CEP350: variants seen among roughly 807,000 people sequenced by gnomAD.
CEP350 encodes centrosomal protein 350.
CEP350 carries 126 observed loss-of-function variants against 331.8 expected under a neutral mutation model. The observed-to-expected ratio is 0.38, with a 90% CI of 0.33 to 0.44. CEP350 has a LOEUF of 0.44. Among genes scored for constraint, CEP350 ranks in the 20% least tolerant of loss-of-function variants. The pLI, the probability that CEP350 is intolerant of heterozygous loss-of-function variation, is 1.00. For synonymous variants in CEP350, 1,200 were observed against 1,259.5 expected (o/e 0.95, Z 1.00); for missense variants, 3,406 against 3,634.6 (o/e 0.94, Z 1.62).
intron 8 of CEP350, among the ~76,000 whole-genome samples, chr1:180,009,513 G>C (rs1654484034): frequency 6.6e-6 from 1 of 152,130 alleles, no homozygotes; most frequent in African/African-American, 2.4e-5. Flanking sequence ...ATATGCTAAA[G>C]CTGTATTAAT....
chr1:180,052,347 G>A (rs910885218), intron 22 of CEP350: 9 of 370,388 alleles, frequency 2.4e-5, no homozygotes, highest in Admixed American at 3.8e-5. Flanking sequence ...CCCCTAGATT[G>A]TGGTTTCTAA....
At chr1:180,048,511 G>C (rs1425087120) in intron 21 of CEP350, 25 bp from the exon 22 acceptor site, 1 of 1,530,922 alleles carries the variant, frequency 6.5e-7, no homozygotes, top group Middle Eastern at 1.7e-4. Flanking sequence ...TTTTGTTGTT[G>C]TTGTTTCCAT....
chr1:180,060,805 T>C (rs1658181415), intron 25 of CEP350, among the ~76,000 whole-genome samples: 2 of 152,130 alleles, frequency 1.3e-5, no homozygotes, highest in African/African-American at 2.4e-5. Context: ...TATATACATA[T>C]GATATTTATA....
At chr1:180,006,677 T>G (rs1654278838) in intron 8 of CEP350, 110 bp downstream of exon 8, 1 of 639,914 alleles carries the variant, frequency 1.6e-6, no homozygotes, top group African/African-American at 1.8e-5. Context: ...ATACACAGGG[T>G]ATACGTGTGC....
At position 180,092,646 on chromosome 1, in the gene CEP350, T is replaced by C; in HGVS notation, c.6541T>C (p.Ser2181Pro). Residue 2181 changes from serine (S) to proline (P), a missense_variant, in exon 34 of 38, where the codon TCA becomes CCA. This residue lies in a region of CEP350 where 1,415 missense variants were observed against 1,512.3 expected (regional missense o/e 0.94). Coordinates refer to ENST00000367607, the MANE Select transcript of CEP350 (RefSeq NM_014810.5). ...ASLSGSERSV[S>P]ERSLSAYAKR... is the part of the protein sequence containing the mutation. ...ACTGTCTGGTTCTGAGAGATCAGTA[T>C]CAGAAAGGTCTTTATCTGCATATGC... The C allele has an allele frequency of 6.2e-7, 1 of 1,604,620 alleles. No homozygotes were observed. Among genetic ancestry groups the C allele is most frequent in the Non-Finnish European group, 8.5e-7 (1 of 1,175,492 alleles).
At chr1:180,110,106 A>T (rs555358203) in intron 37 of CEP350, among the ~76,000 whole-genome samples, 1 of 152,368 alleles carries the variant, frequency 6.6e-6, no homozygotes, top group South Asian at 2.1e-4. Flanking sequence ...AATAAACTTC[A>T]GCAATATTAC....
intron 3 of CEP350, among the ~76,000 whole-genome samples, chr1:179,989,200 C>T (rs111433386): frequency 3.9e-4 from 59 of 152,012 alleles, no homozygotes; most frequent in African/African-American, 5.8e-4. Context: ...CGCCTGTAAT[C>T]GCAGCACTTT....
At chr1:179,995,660 A>G (rs191348228) in intron 5 of CEP350, among the ~76,000 whole-genome samples, 67 of 152,332 alleles carry the variant, frequency 4.4e-4, no homozygotes, top group African/African-American at 1.6e-3. Flanking sequence ...CATGTAAAAT[A>G]AAAATAGTCT....
intron 11 of CEP350, among the ~76,000 whole-genome samples, chr1:180,018,444 A>G (rs1221917450): frequency 1.3e-5 from 2 of 152,178 alleles, no homozygotes; most frequent in African/African-American, 4.8e-5. Context: ...ATTCATCAAT[A>G]TCTTTTATAT....
At chr1:180,106,424 G>A (rs1467814458) in intron 37 of CEP350, among the ~76,000 whole-genome samples, 1 of 152,032 alleles carries the variant, frequency 6.6e-6, no homozygotes, top group Non-Finnish European at 1.5e-5. Flanking sequence ...TATCATGTTT[G>A]ACCCGGGTCT....
intron 4 of CEP350, among the ~76,000 whole-genome samples, chr1:179,991,363 C>A (rs1327190480): frequency 2.9e-5 from 4 of 138,548 alleles, no homozygotes; most frequent in African/African-American, 1.1e-4. Context: ...GTCGCCCAGG[C>A]TGAAGTGCAG....
rs1186226714 is a variant in CEP350 at position 180,098,912 on chromosome 1, C to T, written c.9116C>T (p.Pro3039Leu). 2 of 1,613,406 alleles carry T rather than the reference C, an allele frequency of 1.2e-6. No individual in the cohort carries two copies. The highest frequency in any genetic ancestry group is 8.5e-7 in the Non-Finnish European group (1 of 1,179,640). ...VLKLFSLKKE[P>L]NHKTDWQKMM... ...AAGTTGTTCAGTCTTAAAAAGGAGC[C>T]AAACCACAAAACAGATTGGCAGAAA... is the stretch of plus-strand genomic sequence containing the variant. The change falls in exon 37 of 38, where the codon CCA becomes CTA. Residue 3039 changes from proline to leucine, a missense_variant. Coordinates refer to ENST00000367607, the MANE Select transcript of CEP350 (RefSeq NM_014810.5).
At chr1:179,975,298 T>TCGACC (rs1434757589) in intron 1 of CEP350, among the ~76,000 whole-genome samples, 3 of 152,190 alleles carry the variant, frequency 2.0e-5, no homozygotes, top group African/African-American at 7.2e-5. Flanking sequence ...TGTGAAGGTC[T>TCGACC]CCAAGTGTCC....
In CEP350 at chr1:180,114,792, A is replaced by G. The variant is rs1479521601; in HGVS notation, c.*3631A>G. ...TGTAAAATAACTGGGATGAATTCCC[A>G]TGTATACCTGTGTAAATAGATTTGT... On this transcript the variant is annotated 3_prime_UTR_variant, in exon 38 of 38. Transcript: ENST00000367607. 1 of 152,682 alleles carries G rather than the reference A, an allele frequency of 6.5e-6. No individual in the cohort carries two copies. The highest frequency in any genetic ancestry group is 2.4e-5 in the African/African-American group (1 of 41,474). The allele number at this position is 152,682 out of a possible 1,614,324, so 9.5% of individuals were successfully genotyped here.
chr1:180,005,598 A>G (rs1405097827), intron 7 of CEP350, among the ~76,000 whole-genome samples: 5 of 152,172 alleles, frequency 3.3e-5, no homozygotes, highest in Admixed American at 3.3e-4. Flanking sequence ...CTTGCTAAAA[A>G]TTAATTTAGA....
chr1:180,048,686 A>G lies in CEP350; in HGVS notation c.4773A>G (p.Pro1591=), dbSNP rs765613376. The change falls in exon 22 of 38, where the codon CCA becomes CCG. Residue 1591 remains proline (P), a synonymous_variant. Coordinates refer to ENST00000367607, the MANE Select transcript of CEP350 (RefSeq NM_014810.5). ...ADDSLRSDSV[P]SLPDEKDSTS... The stretch of plus-strand genomic sequence containing the variant: ...ATTCTCTACGAAGTGATAGTGTTCC[A>G]TCTCTTCCTGATGAAAAAGGTAACT... The G allele has an allele frequency of 3.1e-6, 5 of 1,610,574 alleles. No individual in the cohort carries two copies. The highest frequency in any genetic ancestry group is 2.2e-5 in the East Asian group (1 of 44,814).
intron 7 of CEP350, among the ~76,000 whole-genome samples, chr1:180,004,237 T>C (rs1169042711): frequency 6.6e-6 from 1 of 152,232 alleles, no homozygotes; most frequent in Non-Finnish European, 1.5e-5. Flanking sequence ...ATAGTATCAT[T>C]ATAGACTAGT....
At chr1:179,969,954 A>C (rs1297419034) in intron 1 of CEP350, among the ~76,000 whole-genome samples, 4 of 152,216 alleles carry the variant, frequency 2.6e-5, no homozygotes. Context: ...TGCAAACTGT[A>C]AGACACCTTT....
rs1194311647 is a variant in CEP350 at position 179,991,424 on chromosome 1, C to T, written c.236-638C>T. 2.3e-4 allele frequency among the ~76,000 whole-genome samples: 34 copies of T among 144,834 alleles called. 1 individual carries two copies. The highest frequency in any genetic ancestry group is 8.4e-4 in the African/African-American group (33 of 39,338). The stretch of plus-strand genomic sequence containing the variant: ...CTCTACGTCCTGGGTTTAAGCGATT[C>T]TCCTGAGTAGCCGCGCCACCGGGCC... On this transcript the variant is annotated intron_variant, in intron 4 of 37. Transcript: ENST00000367607.
Sources: gnomAD v4.1 joint callset for allele counts (sites outside exome capture counted in the v4.1 genomes callset) on GRCh38, gnomAD v4.1.1 for gene constraint, gnomAD v4.1.1 regional missense constraint, MANE v1.5 for transcripts, NCBI Gene and HGNC (gene_info 2026-07-23, HGNC 2026-07-21) for gene names.